The following PDE3B variants were observed in gnomAD, a reference collection of about 807,000 sequenced individuals.
The protein encoded by PDE3B is cGMP-inhibited 3',5'-cyclic phosphodiesterase 3B.
A neutral mutation model predicts 116.8 loss-of-function variants in PDE3B; 66 were observed. The ratio of observed to expected loss-of-function variants is 0.56; its 90% confidence interval spans 0.46 to 0.69. The LOEUF (loss-of-function observed/expected upper bound fraction) is 0.69, where lower values mean the gene tolerates loss of function less well. Ranked by LOEUF, PDE3B falls within the 30% of genes least tolerant of loss-of-function variation. The pLI, the probability that PDE3B is intolerant of heterozygous loss-of-function variation, is 0.00. For synonymous variants in PDE3B, 595 were observed against 533.6 expected (o/e 1.12, Z -1.59); for missense variants, 1,384 against 1,368.1 (o/e 1.01, Z -0.18).
chr11:14,721,182 C>T (rs1297187300), intron 1 of PDE3B, among the ~76,000 whole-genome samples: 2 of 152,102 alleles, frequency 1.3e-5, no homozygotes, highest in Non-Finnish European at 2.9e-5. Context: ...AAATGCTCAT[C>T]ATCACTGGCC....
chr11:14,854,135 A>G (rs1233969730), intron 12 of PDE3B, among the ~76,000 whole-genome samples: 1 of 152,172 alleles, frequency 6.6e-6, no homozygotes, highest in Non-Finnish European at 1.5e-5. Context: ...ATGAATATTG[A>G]CAGATAAAAC....
At chr11:14,856,642 C>T (rs1555006219) in intron 12 of PDE3B, among the ~76,000 whole-genome samples, 1 of 152,034 alleles carries the variant, frequency 6.6e-6, no homozygotes, top group Admixed American at 6.5e-5. Context: ...ATCACGAGGT[C>T]AGGAGATAGA....
At chr11:14,837,203 A>AT (rs1173642764) in intron 11 of PDE3B, among the ~76,000 whole-genome samples, 7 of 152,208 alleles carry the variant, frequency 4.6e-5, no homozygotes, top group Non-Finnish European at 1.0e-4. Context: ...GTGAAAATCA[A>AT]TCCAGCTCTG....
At chr11:14,833,245 G>T (rs907622785) in intron 10 of PDE3B, among the ~76,000 whole-genome samples, 4 of 152,028 alleles carry the variant, frequency 2.6e-5, no homozygotes, top group Non-Finnish European at 5.9e-5. Context: ...CAGCTGCCGC[G>T]CCTGGCCTGA....
At chr11:14,700,069 A>G (rs973748722) in intron 1 of PDE3B, among the ~76,000 whole-genome samples, 4 of 151,768 alleles carry the variant, frequency 2.6e-5, no homozygotes, top group African/African-American at 9.7e-5. Context: ...GGTCACCTTA[A>G]AAATTGGAGT....
the PDE3B span, among the ~76,000 whole-genome samples, chr11:14,889,164 G>GTTT: frequency 9.3e-5 from 13 of 140,164 alleles, no homozygotes; most frequent in Admixed American, 2.8e-4. Flanking sequence ...AAGTCCAGTT[G>GTTT]TTTTTTTTTT....
chr11:14,754,984 G>A (rs2133879862), intron 1 of PDE3B, among the ~76,000 whole-genome samples: 1 of 152,260 alleles, frequency 6.6e-6, no homozygotes, highest in African/African-American at 2.4e-5. Context: ...GACTGAGATT[G>A]AAATTTTTCT....
intron 7 of PDE3B, among the ~76,000 whole-genome samples, chr11:14,824,768 C>G (rs777223478): frequency 6.6e-6 from 1 of 152,176 alleles, no homozygotes. Flanking sequence ...CACCCAAACT[C>G]AGGAAATACA....
At chr11:14,652,633 C>T (rs2133749769) in intron 1 of PDE3B, among the ~76,000 whole-genome samples, 1 of 152,256 alleles carries the variant, frequency 6.6e-6, no homozygotes, top group Non-Finnish European at 1.5e-5. Context: ...TGAAACAGAT[C>T]TCCCTATCTT....
At chr11:14,769,630 A>G (rs1857584234) in intron 1 of PDE3B, among the ~76,000 whole-genome samples, 1 of 147,430 alleles carries the variant, frequency 6.8e-6, no homozygotes, top group Non-Finnish European at 1.5e-5. Flanking sequence ...TTGTATATAC[A>G]TATGTAAAAT....
intron 1 of PDE3B, among the ~76,000 whole-genome samples, chr11:14,712,778 G>A (rs11825595): frequency 0.021 from 3,180 of 152,228 alleles, 113 homozygotes; most frequent in African/African-American, 0.073. Flanking sequence ...CCTGGCCAAG[G>A]TGTGTTTTTA....
chr11:14,775,232 G>C (rs1437186232), intron 2 of PDE3B: 1 of 152,032 alleles, frequency 6.6e-6, no homozygotes, highest in Non-Finnish European at 1.5e-5. Context: ...TTTCCAACCT[G>C]TTTTTCATTG....
At chr11:14,878,213 T>C in the PDE3B span, 1 of 1,613,156 alleles carries the variant, frequency 6.2e-7, no homozygotes, top group Non-Finnish European at 8.5e-7. Context: ...ATGTGGAAAA[T>C]GCAAATGAAA....
At chr11:14,754,249 T>A (rs942857216) in intron 1 of PDE3B, among the ~76,000 whole-genome samples, 1 of 152,086 alleles carries the variant, frequency 6.6e-6, no homozygotes, top group Non-Finnish European at 1.5e-5. Context: ...AATGTGATAA[T>A]CTAATTTTAC....
chr11:14,865,232 T>G (rs1475089174), intron 14 of PDE3B, among the ~76,000 whole-genome samples: 3 of 152,196 alleles, frequency 2.0e-5, no homozygotes, highest in Non-Finnish European at 4.4e-5. Flanking sequence ...TCTTTCCACT[T>G]TGCTGAATCT....
rs782472601 is a variant in PDE3B, at chr11:14,859,260, A to G, written c.2724+14A>G. 2 of 1,566,612 alleles carry G rather than the reference A, an allele frequency of 1.3e-6. No homozygotes were observed. Among genetic ancestry groups the G allele is most frequent in the South Asian group, 2.3e-5 (2 of 86,170 alleles). ...TTCAATGCCAAGGTTTGTTATGAAA[A>G]TTAGTGCCTGATTTAAAAAATCTTT... On this transcript the variant is annotated intron_variant, in intron 13 of 15. Transcript: ENST00000282096.
intron 2 of PDE3B, among the ~76,000 whole-genome samples, chr11:14,785,503 T>C (rs1858160707): frequency 6.6e-6 from 1 of 152,072 alleles, no homozygotes; most frequent in African/African-American, 2.4e-5. Context: ...ACTCATTAAT[T>C]TGAATAATTA....
At position 14,727,415 on chromosome 11, in the gene PDE3B, C is replaced by G. The variant is rs1856339915; in HGVS notation, c.979-44522C>G. 2.0e-5 allele frequency among the ~76,000 whole-genome samples: 3 copies of G among 152,094 alleles called. No individual in the cohort carries two copies. In the South Asian group the frequency reaches 6.2e-4, roughly 31 times the overall value. ...GTTCAGAGGGCTTAGGTAATTTCCT[C>G]AAGATCATATAGTTCATAAGTGGCT... is the stretch of plus-strand genomic sequence containing the variant. On this transcript the variant is annotated intron_variant, in intron 1 of 15. Transcript: ENST00000282096.
intron 1 of PDE3B, among the ~76,000 whole-genome samples, chr11:14,714,889 G>A (rs2133832964): frequency 6.6e-6 from 1 of 152,276 alleles, no homozygotes; most frequent in South Asian, 2.1e-4. Flanking sequence ...TAGCTCTCTG[G>A]TGTTGAGAAG....
Sources: allele counts gnomAD v4.1 joint callset (sites outside exome capture counted in the v4.1 genomes callset), GRCh38; gene constraint gnomAD v4.1.1; transcripts MANE v1.5; gene names NCBI Gene and HGNC (gene_info 2026-07-23, HGNC 2026-07-21).